Variants in MOB3B observed in about 807,000 individuals in gnomAD.
MOB3B encodes the protein MOB kinase activator-like 2B.
In MOB3B, 7 loss-of-function variants were observed where a neutral mutation model predicts 18.7. The ratio of observed to expected loss-of-function variants is 0.37; its 90% CI spans 0.21 to 0.70. The LOEUF is 0.70. Ranked by LOEUF, MOB3B falls within the 30% of genes least tolerant of loss-of-function variation. MOB3B has a pLI of 0.52. For synonymous variants in MOB3B, 111 were observed against 99.9 expected, an observed-to-expected ratio of 1.11 and a Z score of -0.66; for missense variants, 253 against 281.3, an observed-to-expected ratio of 0.90 and a Z score of 0.72.
intron 1 of MOB3B, among the ~76,000 whole-genome samples, chr9:27,464,070 T>C (rs1819338198): frequency 6.6e-6 from 1 of 152,182 alleles, no homozygotes; most frequent in Admixed American, 6.5e-5. Context: ...GCTTCACAAA[T>C]GGAAAACAAT....
At chr9:27,344,076 A>G (rs1820996732) in intron 3 of MOB3B, among the ~76,000 whole-genome samples, 1 of 151,270 alleles carries the variant, frequency 6.6e-6, no homozygotes, top group South Asian at 2.1e-4. Context: ...CCTTATGTGT[A>G]TTTTACCACA....
intron 1 of MOB3B, among the ~76,000 whole-genome samples, chr9:27,461,066 T>C (rs1819279975): frequency 6.6e-6 from 1 of 152,208 alleles, no homozygotes. Flanking sequence ...AGCTGCTCCA[T>C]TCCTCTGTGT....
At chr9:27,349,940 T>C (rs1215917458) in intron 3 of MOB3B, among the ~76,000 whole-genome samples, 1 of 152,176 alleles carries the variant, frequency 6.6e-6, no homozygotes, top group Non-Finnish European at 1.5e-5. Flanking sequence ...GAGTGGGTTA[T>C]AAAAAGTAGC....
chr9:27,529,135 G>T (rs1429607195), intron 1 of MOB3B, among the ~76,000 whole-genome samples: 1 of 152,116 alleles, frequency 6.6e-6, no homozygotes, highest in East Asian at 1.9e-4. Flanking sequence ...CAGCCCAGGC[G>T]CACTTTTGTA....
chr9:27,457,021 T>A (rs897715541), intron 1 of MOB3B, among the ~76,000 whole-genome samples: 2 of 152,220 alleles, frequency 1.3e-5, no homozygotes, highest in African/African-American at 4.8e-5. Context: ...ATAGTGGGTA[T>A]CATTCTTCCT....
intron 2 of MOB3B, among the ~76,000 whole-genome samples, chr9:27,448,942 C>A (rs1285192580): frequency 6.6e-6 from 1 of 152,188 alleles, no homozygotes; most frequent in East Asian, 1.9e-4. Context: ...TAATGAGTAG[C>A]TTATCCCAGA....
chr9:27,425,272 G>A (rs538281622), intron 2 of MOB3B, among the ~76,000 whole-genome samples: 1 of 152,108 alleles, frequency 6.6e-6, no homozygotes, highest in African/African-American at 2.4e-5. Flanking sequence ...CTACTCGGGA[G>A]GCTGAGGCAG....
chr9:27,440,773 C>T (rs1822582537), intron 2 of MOB3B, among the ~76,000 whole-genome samples: 1 of 151,756 alleles, frequency 6.6e-6, no homozygotes, highest in Non-Finnish European at 1.5e-5. Flanking sequence ...TTTGGTGCTC[C>T]CAAAAACTCT....
intron 2 of MOB3B, among the ~76,000 whole-genome samples, chr9:27,408,762 A>C (rs1178200188): frequency 1.3e-5 from 2 of 152,062 alleles, no homozygotes; most frequent in Non-Finnish European, 2.9e-5. Context: ...CAGGGAATAC[A>C]CTTGCTCTGG....
At chr9:27,485,829 A>G (rs1231477081) in intron 1 of MOB3B, among the ~76,000 whole-genome samples, 1 of 152,228 alleles carries the variant, frequency 6.6e-6, no homozygotes, top group Non-Finnish European at 1.5e-5. Context: ...CTATCTAATG[A>G]TGTTAAGTCC....
chr9:27,450,032 C>T (rs1822759852), intron 2 of MOB3B, among the ~76,000 whole-genome samples: 1 of 150,042 alleles, frequency 6.7e-6, no homozygotes, highest in Non-Finnish European at 1.5e-5. Flanking sequence ...ATCATAAACT[C>T]AACTCCCCAA....
intron 1 of MOB3B, among the ~76,000 whole-genome samples, chr9:27,522,242 C>CAAAAAAAAAAAAAAAAAAAA (rs1171362204): frequency 7.0e-4 from 39 of 56,048 alleles, no homozygotes; most frequent in Non-Finnish European, 9.7e-4. Context: ...CCCCGTCTCA[C>CAAAAAAAAAAAAAAAAAAAA]AAAAAAAAAA....
chr9:27,522,946 C>A (rs554803711), intron 1 of MOB3B, among the ~76,000 whole-genome samples: 47 of 150,688 alleles, frequency 3.1e-4, no homozygotes, highest in Non-Finnish European at 6.2e-4. Context: ...CGTAAGAAAC[C>A]TTTCCTAAAA....
At chr9:27,497,448 A>G (rs1462563176) in intron 1 of MOB3B, among the ~76,000 whole-genome samples, 1 of 152,066 alleles carries the variant, frequency 6.6e-6, no homozygotes, top group African/African-American at 2.4e-5. Context: ...ATGATTTAGT[A>G]TTATACAAAT....
At chr9:27,336,233 C>G (rs1467928006) in intron 3 of MOB3B, among the ~76,000 whole-genome samples, 1 of 152,058 alleles carries the variant, frequency 6.6e-6, no homozygotes, top group Non-Finnish European at 1.5e-5. Context: ...GACTCAAAAA[C>G]AAAAACAAGC....
chr9:27,405,132 G>C (rs1408959133), intron 2 of MOB3B, among the ~76,000 whole-genome samples: 1 of 94,130 alleles, frequency 1.1e-5, no homozygotes, highest in East Asian at 3.7e-4. Flanking sequence ...TTTTGAGACA[G>C]AGTCTTGCTC....
chr9:27,352,258 G>A (rs537517832), intron 3 of MOB3B, among the ~76,000 whole-genome samples: 27 of 151,692 alleles, frequency 1.8e-4, no homozygotes, highest in African/African-American at 5.8e-4. Context: ...ACATGTGTTT[G>A]TAGCCCCAGC....
intron 2 of MOB3B, among the ~76,000 whole-genome samples, chr9:27,400,890 A>G (rs945627722): frequency 6.6e-6 from 1 of 152,218 alleles, no homozygotes; most frequent in Non-Finnish European, 1.5e-5. Flanking sequence ...GCTTCTGTGG[A>G]GAAGGCAAAA....
chr9:27,390,687 C>T (rs115441653), intron 2 of MOB3B, among the ~76,000 whole-genome samples: 2,558 of 152,178 alleles, frequency 0.017, 66 homozygotes, highest in African/African-American at 0.058. Context: ...AGACTAAGGG[C>T]GGAGAACTTA....
Sources: allele counts gnomAD v4.1 joint callset (sites outside exome capture counted in the v4.1 genomes callset), GRCh38; gene constraint gnomAD v4.1.1; transcripts MANE v1.5; gene names NCBI Gene and HGNC (gene_info 2026-07-23, HGNC 2026-07-21).